DOP1A: variants seen among roughly 807,000 people sequenced by gnomAD.
DOP1A encodes the protein protein DOP1A.
DOP1A carries 90 observed loss-of-function variants against 267.6 expected under a neutral mutation model. That is an observed-to-expected ratio of 0.34 (90% CI 0.28 to 0.40). DOP1A has a LOEUF of 0.40. Ranked by LOEUF, DOP1A falls within the 10% of genes least tolerant of loss-of-function variation. The pLI, the probability that DOP1A is intolerant of heterozygous loss-of-function variation, is 1.00. For missense variants in DOP1A, 2,437 were observed against 2,900.4 expected (o/e 0.84, Z 3.67); for synonymous variants, 932 against 999.1 (o/e 0.93, Z 1.27).
intron 38 of DOP1A, chr6:83,164,594 G>T (rs975831014): frequency 3.3e-5 from 48 of 1,447,882 alleles, no homozygotes; most frequent in Non-Finnish European, 4.6e-5. Context: ...CTTAAACAAG[G>T]TCTTCATGGC....
In DOP1A at chr6:83,137,222, T is replaced by TA; in HGVS notation, c.3181dup (p.Thr1061AsnfsTer4). On this transcript the variant is annotated frameshift_variant, in exon 21 of 39. Coordinates refer to ENST00000349129, the MANE Select transcript of DOP1A (RefSeq NM_015018.4). LOFTEE classifies it high-confidence loss of function. ...CAAAAGGAAATGGTGAAAAGCCACT[T>TA]ACCATGGATGAAATAGAGAACTTTA... is the stretch of plus-strand genomic sequence containing the variant. The TA allele has an allele frequency of 6.3e-7, 1 of 1,596,326 alleles. No homozygotes were observed. The highest frequency in any genetic ancestry group is 8.5e-7 in the Non-Finnish European group (1 of 1,169,790).
At chr6:83,100,981 A>G (rs1200085813) in intron 4 of DOP1A, 95 bp downstream of exon 4, 2 of 788,236 alleles carry the variant, frequency 2.5e-6, no homozygotes, top group Non-Finnish European at 3.5e-6. Context: ...AAAAATTGAA[A>G]ACTCCTTAGT....
chr6:83,097,946 T>C (rs1185822674), intron 3 of DOP1A, among the ~76,000 whole-genome samples: 1 of 152,032 alleles, frequency 6.6e-6, no homozygotes, highest in African/African-American at 2.4e-5. Flanking sequence ...TCACCCAGGC[T>C]GGAGTCCAGT....
chr6:83,129,281 C>A lies in DOP1A; in HGVS notation c.2114C>A (p.Thr705Lys). The A allele has an allele frequency of 6.2e-7, 1 of 1,610,688 alleles. No homozygotes were observed. Residue 705 changes from threonine to lysine, a missense_variant, in exon 16 of 39, where the codon ACA (threonine) becomes AAA (lysine). Physicochemically the swap from Thr to Lys is moderately conservative, Grantham distance 78. Coordinates refer to ENST00000349129, the MANE Select transcript of DOP1A (RefSeq NM_015018.4). ...QNNSFSQSLA[T>K]EHQGDLGREQ... ...AACTCTTTTTCTCAGTCTTTGGCTA[C>A]AGAACATCAAGGGGATCTTGGTCGA... is the stretch of plus-strand genomic sequence containing the variant.
intron 1 of DOP1A, among the ~76,000 whole-genome samples, chr6:83,072,372 C>T (rs1785772159): frequency 1.3e-5 from 2 of 151,872 alleles, no homozygotes; most frequent in African/African-American, 4.8e-5. Context: ...TCATTTGCTA[C>T]TCACCAAGAG....
At chr6:83,085,831 A>ATGTTG (rs1769109167) in intron 1 of DOP1A, among the ~76,000 whole-genome samples, 1 of 148,222 alleles carries the variant, frequency 6.7e-6, no homozygotes, top group African/African-American at 2.6e-5. Context: ...ATGTTATGTT[A>ATGTTG]TGTTATTTTG....
chr6:83,075,499 C>A (rs138226918), intron 1 of DOP1A, among the ~76,000 whole-genome samples: 1 of 152,038 alleles, frequency 6.6e-6, no homozygotes, highest in Non-Finnish European at 1.5e-5. Context: ...AAATCTGAGA[C>A]CTGAAGGATA....
chr6:83,074,796 C>T (rs997679846), intron 1 of DOP1A, among the ~76,000 whole-genome samples: 6 of 152,196 alleles, frequency 3.9e-5, no homozygotes, highest in Admixed American at 1.3e-4. Flanking sequence ...TTTGGCCAGG[C>T]TCAGTGGCTC....
chr6:83,164,459 A>G (rs13196130), intron 38 of DOP1A, among the ~76,000 whole-genome samples: 1 of 152,070 alleles, frequency 6.6e-6, no homozygotes, highest in African/African-American at 2.4e-5. Flanking sequence ...TTCATTAGTA[A>G]TGAGAATTTT....
At position 83,159,890 on chromosome 6, in the gene DOP1A, T is replaced by C; in HGVS notation, c.6892T>C (p.Tyr2298His). ...TAACAGCCAGCGGTGGTTAAACCTC[T>C]ATCTCTCTGCTTGCAAATTTTTGGA... is the stretch of plus-strand genomic sequence containing the variant. ...SYNSQRWLNL[Y>H]LSACKFLDLA... The change falls in exon 37 of 39, where the codon TAT becomes CAT. Residue 2298 changes from tyrosine (Y) to histidine (H), a missense_variant. Transcript: ENST00000349129. 4 of 1,614,120 alleles carry C rather than the reference T, an allele frequency of 2.5e-6. No homozygotes were observed. Among genetic ancestry groups the C allele is most frequent in the Non-Finnish European group, 3.4e-6 (4 of 1,179,998 alleles).
In DOP1A at chr6:83,138,803, G is replaced by A; in HGVS notation, c.4761G>A (p.Gln1587=). Residue 1587 remains glutamine, a synonymous_variant, in exon 21 of 39, where the codon CAG becomes CAA. Transcript: ENST00000349129. ...AGTCACAACTTCTTAAGGTGCTTCA[G>A]AGGCTGATTGTTCTAGAACACAGAG... ...TLQSQLLKVL[Q]RLIVLEHRVM... is the part of the protein sequence containing the mutation. 6.2e-7 allele frequency: 1 copy of A among 1,614,024 alleles called. No homozygotes were observed. The highest frequency in any genetic ancestry group is 1.1e-5 in the South Asian group (1 of 91,076).
At chr6:83,125,447 A>C in intron 14 of DOP1A, 53 bp from the exon 15 acceptor site, 1 of 1,513,562 alleles carries the variant, frequency 6.6e-7, no homozygotes, top group Non-Finnish European at 9.1e-7. Context: ...TAAAAAATGT[A>C]ACTTTTGGGT....
At position 83,097,209 on chromosome 6, in the gene DOP1A, A is replaced by G. The variant is rs190930614; in HGVS notation, c.138+94A>G. 4.9e-5 allele frequency: 68 copies of G among 1,374,810 alleles called. 1 individual carries two copies. In the African/African-American group the frequency reaches 7.4e-4, roughly 15 times the overall value. 85.2% of individuals were successfully genotyped at this position (1,374,810 alleles called of 1,614,324 possible). A position where few individuals can be genotyped will look rare whatever the true frequency, so the allele number is the denominator to read the frequency against. On this transcript the variant is annotated intron_variant, in intron 3 of 38. Transcript: ENST00000349129. ...TCTCGAAATCTTGAAGTAAGAATGC[A>G]AAAACATAAATGAACCTTAGATTAC...
At chr6:83,082,624 C>A (rs545453722) in intron 1 of DOP1A, among the ~76,000 whole-genome samples, 1 of 152,150 alleles carries the variant, frequency 6.6e-6, no homozygotes, top group East Asian at 1.9e-4. Context: ...ATGATATGTT[C>A]TTGAAAAATA....
At chr6:83,134,434 GT>G (rs1778556713) in intron 19 of DOP1A, 147 bp downstream of exon 19, 1 of 604,968 alleles carries the variant, frequency 1.7e-6, no homozygotes, top group Non-Finnish European at 2.6e-6. Context: ...ACCGTAAGCT[GT>G]ATTAAAATGC....
At chr6:83,151,702 C>T (rs1465069413) in intron 28 of DOP1A, 43 bp downstream of exon 28, 1 of 1,547,286 alleles carries the variant, frequency 6.5e-7, no homozygotes, top group East Asian at 2.3e-5. Flanking sequence ...TTTCTCAGTG[C>T]CCTCAATTTG....
intron 31 of DOP1A, 36 bp from the exon 32 acceptor site, chr6:83,153,858 G>C: frequency 1.3e-6 from 2 of 1,575,748 alleles, no homozygotes; most frequent in Non-Finnish European, 1.7e-6. Context: ...ATTAAAGTTA[G>C]GACACGTAGG....
chr6:83,075,691 G>C (rs1766963598), intron 1 of DOP1A, among the ~76,000 whole-genome samples: 1 of 152,182 alleles, frequency 6.6e-6, no homozygotes, highest in Non-Finnish European at 1.5e-5. Context: ...ATAAACACTA[G>C]TTTATACGGT....
At chr6:83,076,399 G>A (rs1169584054) in intron 1 of DOP1A, among the ~76,000 whole-genome samples, 1 of 152,156 alleles carries the variant, frequency 6.6e-6, no homozygotes, top group Admixed American at 6.5e-5. Context: ...GTGCACACCT[G>A]TAGTCCCAGC....
Sources: allele counts gnomAD v4.1 joint callset (sites outside exome capture counted in the v4.1 genomes callset), GRCh38; gene constraint gnomAD v4.1.1; transcripts MANE v1.5; gene names NCBI Gene and HGNC (gene_info 2026-07-23, HGNC 2026-07-21).